VAV2: variants seen among roughly 807,000 people sequenced by gnomAD.
VAV2 encodes vav guanine nucleotide exchange factor 2, also known as guanine nucleotide exchange factor VAV2.
VAV2 carries 67 observed loss-of-function variants against 132.5 expected under a neutral mutation model. The ratio of observed to expected loss-of-function variants is 0.51; its 90% CI spans 0.42 to 0.62. The LOEUF is 0.62. VAV2 is among the 20% of genes least tolerant of loss of function. VAV2 has a pLI of 0.00. For synonymous variants in VAV2, 492 were observed against 443.5 expected (o/e 1.11, Z -1.37); for missense variants, 938 against 1,153.6 (o/e 0.81, Z 2.71).
At position 133,885,380 on chromosome 9, in the gene VAV2, G is replaced by A. The variant is rs866222346; in HGVS notation, c.322-23948C>T. On this transcript the variant is annotated intron_variant, in intron 2 of 29. Transcript: ENST00000371850. The surrounding 1 kb of genome is among the most constrained non-coding windows in gnomAD (Gnocchi z 5.0). ...TGTACTCAGGCATCCCTGTCACATC[G>A]ATGAGCAAACATGGCCCAGCGATTT... 1.3e-5 allele frequency among the ~76,000 whole-genome samples: 2 copies of A among 152,168 alleles called. No individual in the cohort carries two copies. Among genetic ancestry groups the A allele is most frequent in the African/African-American group, 2.4e-5 (1 of 41,434 alleles).
intron 2 of VAV2, among the ~76,000 whole-genome samples, chr9:133,874,110 C>T (rs1393211289): frequency 6.6e-6 from 1 of 152,224 alleles, no homozygotes; most frequent in Non-Finnish European, 1.5e-5. Context: ...CGGCTCTCCA[C>T]GCCGCCCTGC....
chr9:133,966,390 G>T (rs1253988678), intron 1 of VAV2, among the ~76,000 whole-genome samples: 1 of 152,200 alleles, frequency 6.6e-6, no homozygotes, highest in East Asian at 1.9e-4. Flanking sequence ...CATCCGACAA[G>T]GGATTTTTAA....
chr9:133,983,547 C>T (rs1262711758), intron 1 of VAV2, among the ~76,000 whole-genome samples: 2 of 152,184 alleles, frequency 1.3e-5, no homozygotes, highest in Non-Finnish European at 1.5e-5. Flanking sequence ...GTCACTCTCA[C>T]GGCGGCCCCC....
At chr9:133,770,631 C>T (rs2131568602) in intron 26 of VAV2, 130 bp from the exon 27 acceptor site, 3 of 1,365,606 alleles carry the variant, frequency 2.2e-6, no homozygotes, top group African/African-American at 2.9e-5. Flanking sequence ...TCAGAACTCC[C>T]CACATCCCGC....
chr9:133,841,114 G>A (rs1207095451), intron 3 of VAV2, among the ~76,000 whole-genome samples: 2 of 152,122 alleles, frequency 1.3e-5, no homozygotes, highest in African/African-American at 2.4e-5. Context: ...CAGGTAGCAG[G>A]TGCCTGGGTT....
chr9:133,786,061 C>T (rs1042315427), intron 16 of VAV2, 176 bp from the exon 17 acceptor site: 11 of 678,998 alleles, frequency 1.6e-5, no homozygotes, highest in Admixed American at 8.2e-5. Flanking sequence ...CTTGCCCATG[C>T]TGTACGTGCA....
intron 1 of VAV2, among the ~76,000 whole-genome samples, chr9:133,960,889 G>C (rs1841944375): frequency 6.6e-6 from 1 of 152,228 alleles, no homozygotes; most frequent in Non-Finnish European, 1.5e-5. Context: ...AGAGCCAACG[G>C]GGCAGGAGGC....
rs1837055795 is a variant in VAV2, at chr9:133,848,848, GGTTT to G, written c.380+12522_380+12525del. On this transcript the variant is annotated intron_variant, in intron 3 of 29. Transcript: ENST00000371850. ...GTGCAGTCACCCAGGCCCGTGTTTG[GGTTT>G]GTTTCCACCACAACCTGAATGTATG... Among the ~76,000 whole-genome samples, 4 of 152,320 alleles carry G rather than the reference GGTTT, an allele frequency of 2.6e-5. No homozygotes were observed. The South Asian group carries it at 8.3e-4, about 32-fold the overall frequency.
intron 16 of VAV2, 79 bp from the exon 17 acceptor site, chr9:133,785,964 T>G: frequency 2.4e-6 from 3 of 1,246,562 alleles, no homozygotes; most frequent in Non-Finnish European, 3.5e-6. Flanking sequence ...TACTCTCGCC[T>G]GTGCAGCATG....
intron 2 of VAV2, among the ~76,000 whole-genome samples, chr9:133,933,431 T>C (rs1056679514): frequency 1.6e-4 from 24 of 152,288 alleles, no homozygotes; most frequent in African/African-American, 5.8e-4. Flanking sequence ...AATGGGTGGA[T>C]GAATGGTGGA....
chr9:133,831,075 G>A (rs565345889), intron 4 of VAV2, among the ~76,000 whole-genome samples: 1 of 152,292 alleles, frequency 6.6e-6, no homozygotes, highest in African/African-American at 2.4e-5. Flanking sequence ...TTCTGGGTGA[G>A]AGGAATTCCA....
intron 1 of VAV2, among the ~76,000 whole-genome samples, chr9:133,946,664 G>A (rs963627995): frequency 7.9e-5 from 12 of 152,214 alleles, no homozygotes; most frequent in East Asian, 5.8e-4. Flanking sequence ...ACAATGCTGC[G>A]TCGTGCTGAT....
intron 4 of VAV2, among the ~76,000 whole-genome samples, chr9:133,817,093 G>A (rs1368485664): frequency 1.3e-5 from 2 of 152,162 alleles, no homozygotes; most frequent in Admixed American, 6.5e-5. Flanking sequence ...CCATCTTAAC[G>A]ATAACATCTT....
chr9:133,834,171 T>A lies in VAV2; in HGVS notation c.449+101A>T, dbSNP rs536053134. 1 of 1,364,118 alleles carries A rather than the reference T, an allele frequency of 7.3e-7. No homozygotes were observed. Among genetic ancestry groups the A allele is most frequent in the Non-Finnish European group, 1.0e-6 (1 of 989,246 alleles). 84.5% of individuals were successfully genotyped at this position (1,364,118 alleles called of 1,614,324 possible). On this transcript the variant is annotated intron_variant, in intron 4 of 29. Transcript: ENST00000371850. This position sits in a 1 kb window ranked among gnomAD's most constrained non-coding sequence, Gnocchi z 5.9. The stretch of plus-strand genomic sequence containing the variant: ...GGGAAGGGCCAGGGCCAGCTCTGCC[T>A]GCACTGTGGCCGCCATGTTTCCTCC...
chr9:133,767,729 A>T (rs1362338160), intron 29 of VAV2, among the ~76,000 whole-genome samples: 2 of 152,234 alleles, frequency 1.3e-5, no homozygotes, highest in Non-Finnish European at 2.9e-5. Flanking sequence ...CTGGGAGCCA[A>T]GGTTAACTGG....
Position 133,788,251 on chromosome 9 carries a change from G to C in VAV2, c.1407+103C>G. 1.8e-6 allele frequency: 1 copy of C among 544,442 alleles called. No individual in the cohort carries two copies. The highest frequency in any genetic ancestry group is 3.3e-6 in the Non-Finnish European group (1 of 304,328). The allele number at this position is 544,442 out of a possible 1,614,324, so 33.7% of individuals were successfully genotyped here. On this transcript the variant is annotated intron_variant, in intron 15 of 29. Transcript: ENST00000371850. This position sits in a 1 kb window ranked among gnomAD's most constrained non-coding sequence, Gnocchi z 5.3. ...ACCCCAACCCACCCGGCCAGCATCA[G>C]CGGCTGACTTCGAGTCCCCTTCCCC...
chr9:133,817,279 G>A (rs1835595526), intron 4 of VAV2, among the ~76,000 whole-genome samples: 1 of 152,154 alleles, frequency 6.6e-6, no homozygotes, highest in South Asian at 2.1e-4. Context: ...TAATACCCGT[G>A]TTAGACGTCC....
intron 1 of VAV2, among the ~76,000 whole-genome samples, chr9:133,962,817 T>C (rs1842008559): frequency 6.6e-6 from 1 of 152,216 alleles, no homozygotes; most frequent in Admixed American, 6.5e-5. Context: ...TTTATGTTAT[T>C]AAGAGTATCT....
intron 2 of VAV2, among the ~76,000 whole-genome samples, chr9:133,933,919 T>TG (rs1374151138): frequency 6.9e-4 from 24 of 34,842 alleles, no homozygotes; most frequent in East Asian, 3.0e-3. Context: ...GATGGATGGA[T>TG]GATGGGTGAA....
Sources: allele counts gnomAD v4.1 joint callset (sites outside exome capture counted in the v4.1 genomes callset), GRCh38; gene constraint gnomAD v4.1.1; non-coding constraint Gnocchi (gnomAD v3.1); transcripts MANE v1.5; gene names NCBI Gene and HGNC (gene_info 2026-07-23, HGNC 2026-07-21).